The following NUP98 variants were observed in gnomAD, a reference collection of about 807,000 sequenced individuals.
NUP98 encodes the protein nucleoporin 98 and 96 precursor, also known as nuclear pore complex protein Nup98-Nup96.
Under a neutral mutation model 191.9 loss-of-function variants are expected in NUP98, and 26 were observed. The ratio of observed to expected loss-of-function variants is 0.14; its 90% confidence interval spans 0.10 to 0.19. The LOEUF (loss-of-function observed/expected upper bound fraction) is 0.19. Among genes scored for constraint, NUP98 ranks in the 10% least tolerant of loss-of-function variants. NUP98 has a pLI of 1.00. For missense variants in NUP98, 1,941 were observed against 2,178.8 expected (o/e 0.89, Z 2.17); for synonymous variants, 808 against 778.4 (o/e 1.04, Z -0.63).
chr11:3,748,961 C>A (rs752854620), intron 11 of NUP98, among the ~76,000 whole-genome samples: 25 of 131,692 alleles, frequency 1.9e-4, no homozygotes, highest in Non-Finnish European at 2.7e-4. Context: ...AAAAAAAAAA[C>A]AATTATATAA....
At chr11:3,788,739 G>A (rs1056156298) in intron 1 of NUP98, among the ~76,000 whole-genome samples, 27 of 152,246 alleles carry the variant, frequency 1.8e-4, no homozygotes, top group African/African-American at 6.0e-4. Flanking sequence ...CTGAGGTCGG[G>A]AGTTCAAGAC....
intron 10 of NUP98, among the ~76,000 whole-genome samples, chr11:3,756,332 A>T (rs1372992774): frequency 6.6e-6 from 1 of 152,176 alleles, no homozygotes. Context: ...GTAAAATTCA[A>T]TTTTACAAAT....
intron 8 of NUP98, among the ~76,000 whole-genome samples, chr11:3,766,164 C>T (rs2081331535): frequency 6.6e-6 from 1 of 152,162 alleles, no homozygotes. Flanking sequence ...TGTTCGAGCC[C>T]AGAAGCTCGA....
intron 4 of NUP98, among the ~76,000 whole-genome samples, chr11:3,777,211 T>C (rs1043910286): frequency 6.6e-6 from 1 of 152,082 alleles, no homozygotes; most frequent in East Asian, 1.9e-4. Flanking sequence ...AATAAAGAAA[T>C]AGCAAATCCT....
intron 4 of NUP98, 100 bp downstream of exon 4, chr11:3,778,773 G>A (rs1295282556): frequency 3.2e-6 from 4 of 1,268,576 alleles, no homozygotes; most frequent in African/African-American, 3.0e-5. Context: ...CATTTAGTAG[G>A]AAAAGAAGGT....
chr11:3,776,388 G>T (rs1011853200), intron 4 of NUP98, among the ~76,000 whole-genome samples: 25 of 151,946 alleles, frequency 1.6e-4, no homozygotes, highest in African/African-American at 6.0e-4. Flanking sequence ...AAATCCTAAA[G>T]TGTTGGGATT....
chr11:3,735,887 C>T (rs1337392061), intron 12 of NUP98, among the ~76,000 whole-genome samples: 1 of 144,326 alleles, frequency 6.9e-6, no homozygotes, highest in African/African-American at 2.6e-5. Context: ...AATAATATGA[C>T]AATATACAAC....
At chr11:3,683,979 G>T (rs1056635462) in intron 29 of NUP98, among the ~76,000 whole-genome samples, 15 of 142,882 alleles carry the variant, frequency 1.0e-4, no homozygotes, top group Non-Finnish European at 2.2e-4. Flanking sequence ...AGGTCAAGGT[G>T]GGTGGATCAC....
In NUP98 at chr11:3,782,247, T is replaced by C. The variant is rs2081993211; in HGVS notation, c.-28-102A>G. ...CACAAACTTAGGCCTATTCGAACTATAGTATATACTCTCATTCAAAATCCT... is the reference window on the plus strand; with the variant it reads ...CACAAACTTAGGCCTATTCGAACTACAGTATATACTCTCATTCAAAATCCT... On this transcript the variant is annotated intron_variant, in intron 1 of 32. Transcript: ENST00000324932. 21 of 604,242 alleles carry C rather than the reference T, an allele frequency of 3.5e-5. 1 individual carries two copies. In the South Asian group the frequency reaches 3.7e-4, roughly 11 times the overall value. 37.4% of individuals were successfully genotyped at this position (604,242 alleles called of 1,614,324 possible).
At chr11:3,769,261 C>A (rs1173609152) in intron 7 of NUP98, among the ~76,000 whole-genome samples, 1 of 152,008 alleles carries the variant, frequency 6.6e-6, no homozygotes, top group Non-Finnish European at 1.5e-5. Flanking sequence ...CCCATCTCTA[C>A]AAAAAAATTT....
rs71041370 is a variant in NUP98 at position 3,684,766 on chromosome 11, CAAAAAAAAAAAAAAAAAAA to C, written c.4676+1188_4676+1206del. Among the ~76,000 whole-genome samples the C allele has an allele frequency of 9.5e-4, 97 of 101,800 alleles. 3 individuals are homozygous for C. The South Asian group carries it at 0.021, about 22-fold the overall frequency. 66.8% of individuals were successfully genotyped at this position (101,800 alleles called of 152,430 possible). ...AAACTAATGTTATGCTTTCACAGGC[CAAAAAAAAAAAAAAAAAAA>C]AAAAAAAAAAAAAGGCTTAGGCTTA... On this transcript the variant is annotated intron_variant, in intron 29 of 32. Transcript: ENST00000324932.
intron 14 of NUP98, among the ~76,000 whole-genome samples, chr11:3,731,056 G>C (rs2079828818): frequency 6.6e-6 from 1 of 152,144 alleles, no homozygotes; most frequent in African/African-American, 2.4e-5. Flanking sequence ...TATGCAGTCA[G>C]GGGTTCAAGA....
At chr11:3,714,652 TTGTC>T (rs1451708670) in intron 18 of NUP98, 2 of 163,524 alleles carry the variant, frequency 1.2e-5, no homozygotes, top group Non-Finnish European at 2.6e-5. Flanking sequence ...AATATAGTAC[TTGTC>T]TTTTTGTGAC....
At position 3,753,918 on chromosome 11, in the gene NUP98, A is replaced by G. The variant is rs577317169; in HGVS notation, c.1175-510T>C. ...TGCGCCACTGCACTCCAGCCTGGGCAACAGAGCAGGACTCTGTCTCGAAAA... is the reference window on the plus strand; with the variant it reads ...TGCGCCACTGCACTCCAGCCTGGGCGACAGAGCAGGACTCTGTCTCGAAAA... On this transcript the variant is annotated intron_variant, in intron 10 of 32. Transcript: ENST00000324932. Among the ~76,000 whole-genome samples, 8 of 151,542 alleles carry G rather than the reference A, an allele frequency of 5.3e-5. No homozygotes were observed. The South Asian group carries it at 1.5e-3, about 28-fold the overall frequency.
intron 8 of NUP98, among the ~76,000 whole-genome samples, chr11:3,767,037 T>C (rs2081362189): frequency 6.6e-6 from 1 of 152,174 alleles, no homozygotes; most frequent in South Asian, 2.1e-4. Context: ...AAATCTCGGC[T>C]CACCGCAACT....
intron 31 of NUP98, 200 bp downstream of exon 31, chr11:3,679,354 T>C (rs139874378): frequency 4.3e-5 from 30 of 693,640 alleles, no homozygotes; most frequent in South Asian, 4.3e-4. Flanking sequence ...TAGTTGGTAA[T>C]CAACATAAAA....
chr11:3,793,152 G>C (rs972225938), intron 1 of NUP98, among the ~76,000 whole-genome samples: 2 of 152,124 alleles, frequency 1.3e-5, no homozygotes, highest in Non-Finnish European at 2.9e-5. Flanking sequence ...TAGTGTCAAA[G>C]AGCAGTTAGA....
At chr11:3,695,834 A>G (rs1347509455) in intron 25 of NUP98, among the ~76,000 whole-genome samples, 1 of 152,144 alleles carries the variant, frequency 6.6e-6, no homozygotes, top group Non-Finnish European at 1.5e-5. Flanking sequence ...TGAATAGCAT[A>G]TAGACATCAA....
At chr11:3,758,120 A>G (rs2081041274) in intron 10 of NUP98, among the ~76,000 whole-genome samples, 1 of 151,482 alleles carries the variant, frequency 6.6e-6, no homozygotes, top group South Asian at 2.1e-4. Context: ...CATCGAGACC[A>G]TCCTGGCTAA....
Sources: allele counts gnomAD v4.1 joint callset (sites outside exome capture counted in the v4.1 genomes callset), GRCh38; gene constraint gnomAD v4.1.1; transcripts MANE v1.5; gene names NCBI Gene and HGNC (gene_info 2026-07-23, HGNC 2026-07-21).